Variants in SLAMF1 observed in about 807,000 individuals in gnomAD.
SLAMF1 encodes signaling lymphocytic activation molecule family member 1.
Under a neutral mutation model 35.1 loss-of-function variants are expected in SLAMF1, and 18 were observed. The observed-to-expected ratio is 0.51, with a 90% confidence interval of 0.35 to 0.76. SLAMF1 has a LOEUF of 0.76. Ranked by LOEUF, SLAMF1 falls within the 30% of genes least tolerant of loss-of-function variation. SLAMF1 has a pLI of 0.01. For synonymous variants in SLAMF1, 168 were observed against 157.2 expected (o/e 1.07, Z -0.51); for missense variants, 392 against 413.0 (o/e 0.95, Z 0.44).
rs1021244308 is a variant in SLAMF1 at position 160,635,346 on chromosome 1, C to T, written c.416-449G>A. 3.9e-5 allele frequency among the ~76,000 whole-genome samples: 6 copies of T among 151,966 alleles called. No homozygotes were observed. The South Asian group carries it at 1.0e-3, about 26-fold the overall frequency. On this transcript the variant is annotated intron_variant, in intron 2 of 6. Coordinates refer to ENST00000302035, the MANE Select transcript of SLAMF1 (RefSeq NM_003037.5). Reference sequence around the variant, plus strand: ...GAGGGTGTGTGTGTGTATGTGTGTGCGTGCGCGCGCGCGCATGTACACGGG... The same window carrying T: ...GAGGGTGTGTGTGTGTATGTGTGTGTGTGCGCGCGCGCGCATGTACACGGG...
intron 1 of SLAMF1, among the ~76,000 whole-genome samples, chr1:160,646,159 G>C (rs1014580074): frequency 3.3e-5 from 5 of 152,198 alleles, no homozygotes; most frequent in African/African-American, 1.2e-4. Context: ...ACAGAGTCCA[G>C]ATCCAAAGGT....
chr1:160,642,870 T>C lies in SLAMF1; in HGVS notation c.76+4000A>G, dbSNP rs1446108086. Among the ~76,000 whole-genome samples the C allele has an allele frequency of 6.6e-6, 1 of 152,214 alleles. No homozygotes were observed. Among genetic ancestry groups the C allele is most frequent in the Non-Finnish European group, 1.5e-5 (1 of 68,024 alleles). On this transcript the variant is annotated intron_variant, in intron 1 of 6. Coordinates refer to ENST00000302035, the MANE Select transcript of SLAMF1 (RefSeq NM_003037.5). This position sits in a 1 kb window ranked among gnomAD's most constrained non-coding sequence, Gnocchi z 4.2. ...TTACCTCTGCATTTGTGCCTCCTTC[T>C]AGAACGCTCCTTCTCAAGTTCCATA...
intron 1 of SLAMF1, among the ~76,000 whole-genome samples, chr1:160,639,361 G>A (rs1660623224): frequency 6.6e-6 from 1 of 152,120 alleles, no homozygotes; most frequent in Non-Finnish European, 1.5e-5. Flanking sequence ...GGGTAGCTGG[G>A]ATTACAGGTG....
At chr1:160,615,421 C>T (rs1423691035) in intron 5 of SLAMF1, among the ~76,000 whole-genome samples, 1 of 151,846 alleles carries the variant, frequency 6.6e-6, no homozygotes, top group Non-Finnish European at 1.5e-5. Flanking sequence ...ACTAAAAAGA[C>T]TGAAAAAAGT....
At chr1:160,632,477 C>T (rs745651260) in intron 3 of SLAMF1, among the ~76,000 whole-genome samples, 9 of 152,202 alleles carry the variant, frequency 5.9e-5, no homozygotes, top group Non-Finnish European at 1.3e-4. Context: ...TCTTGGTCCT[C>T]AGAGTGGCTT....
chr1:160,624,247 C>T, intron 3 of SLAMF1, 62 bp from the exon 4 acceptor site: 1 of 1,159,238 alleles, frequency 8.6e-7, no homozygotes, highest in Admixed American at 1.9e-5. Flanking sequence ...AAACATCTTA[C>T]ATGAAAGTGG....
chr1:160,610,828 AG>A, intron 6 of SLAMF1, 30 bp from the exon 7 acceptor site: 1 of 1,511,928 alleles, frequency 6.6e-7, no homozygotes, highest in Non-Finnish European at 9.2e-7. Context: ...CTGTGAGTAG[AG>A]GGACTGGATA....
chr1:160,635,826 G>A (rs570627835), intron 2 of SLAMF1, among the ~76,000 whole-genome samples: 6 of 151,376 alleles, frequency 4.0e-5, no homozygotes, highest in Non-Finnish European at 7.4e-5. Flanking sequence ...TGATCCGCCC[G>A]CCTCGGCCTC....
At chr1:160,636,718 A>G (rs192361996) in intron 2 of SLAMF1, among the ~76,000 whole-genome samples, 6 of 152,344 alleles carry the variant, frequency 3.9e-5, no homozygotes. Context: ...AATTTTAGCC[A>G]TCTTTATCCA....
intron 3 of SLAMF1, among the ~76,000 whole-genome samples, chr1:160,630,575 G>A (rs564621685): frequency 6.6e-6 from 1 of 152,204 alleles, no homozygotes; most frequent in African/African-American, 2.4e-5. Context: ...TCCCAAGGCT[G>A]GGGTTTTCCT....
intron 1 of SLAMF1, among the ~76,000 whole-genome samples, chr1:160,644,054 A>T (rs1395313152): frequency 6.6e-6 from 1 of 152,258 alleles, no homozygotes; most frequent in East Asian, 1.9e-4. Flanking sequence ...TGATGAAAAA[A>T]AGTTTTCATT....
intron 3 of SLAMF1, among the ~76,000 whole-genome samples, chr1:160,630,267 A>G (rs1409771601): frequency 1.3e-5 from 2 of 152,186 alleles, no homozygotes; most frequent in African/African-American, 4.8e-5. Flanking sequence ...TGCAATAAAG[A>G]TGCTTCATTA....
intron 3 of SLAMF1, among the ~76,000 whole-genome samples, chr1:160,630,498 T>TA (rs1660108491): frequency 6.6e-6 from 1 of 152,210 alleles, no homozygotes; most frequent in Non-Finnish European, 1.5e-5. Context: ...AAAAATGTCT[T>TA]AAAATCACTG....
At chr1:160,644,893 A>C (rs887807186) in intron 1 of SLAMF1, among the ~76,000 whole-genome samples, 1 of 152,160 alleles carries the variant, frequency 6.6e-6, no homozygotes, top group Non-Finnish European at 1.5e-5. Context: ...GGTGCAGAGG[A>C]ACTGCATGGA....
intron 4 of SLAMF1, among the ~76,000 whole-genome samples, chr1:160,623,019 G>A (rs1293898561): frequency 2.0e-5 from 3 of 152,176 alleles, no homozygotes; most frequent in Non-Finnish European, 4.4e-5. Context: ...GGGTTGAGGT[G>A]AGGATGGGTA....
In SLAMF1 at chr1:160,624,101, C is replaced by T. The variant is rs1245000134; in HGVS notation, c.785G>A (p.Arg262Lys). The change falls in exon 4 of 7, where the codon AGA (arginine) becomes AAA (lysine). Residue 262 changes from arginine (R) to lysine (K), a missense_variant. Physicochemically the swap from Arg to Lys is conservative, Grantham distance 26 (BLOSUM62 2). Transcript: ENST00000302035. ...LIMVVILQLR[R>K]RGKTNHYQTT... ...ATTTATTGCCAGACACCTACCTCTT[C>T]TTCTCAACTGTAGTATTACCACCAT... The T allele has an allele frequency of 8.1e-6, 13 of 1,595,882 alleles. No individual in the cohort carries two copies. The highest frequency in any genetic ancestry group is 1.7e-5 in the Admixed American group (1 of 57,892).
chr1:160,646,982 C>A lies in SLAMF1; in HGVS notation c.-37G>T, dbSNP rs757558105. ...GAGAAGGAAGGGATCCTGGCCGGAG[C>A]CTGGCAGCTGCTCACAGATGCCAGG... On this transcript the variant is annotated 5_prime_UTR_variant, in exon 1 of 7. Transcript: ENST00000302035. 7.0e-6 allele frequency: 8 copies of A among 1,140,640 alleles called. No homozygotes were observed. The highest frequency in any genetic ancestry group is 3.7e-5 in the South Asian group (3 of 80,054). The allele number at this position is 1,140,640 out of a possible 1,614,324, so 70.7% of individuals were successfully genotyped here. A position where few individuals can be genotyped will look rare whatever the true frequency, so the allele number is the denominator to read the frequency against.
chr1:160,629,282 G>A (rs1174982722), intron 3 of SLAMF1, among the ~76,000 whole-genome samples: 1 of 149,260 alleles, frequency 6.7e-6, no homozygotes, highest in Non-Finnish European at 1.5e-5. Flanking sequence ...TGAAAGTGTT[G>A]TCACAGAAAC....
At chr1:160,637,705 A>G (rs1460102540) in intron 1 of SLAMF1, among the ~76,000 whole-genome samples, 176 bp from the exon 2 acceptor site, 2 of 152,216 alleles carry the variant, frequency 1.3e-5, no homozygotes, top group African/African-American at 2.4e-5. Flanking sequence ...TATATTCTCA[A>G]TACTTCAAAA....
Sources: allele counts gnomAD v4.1 joint callset (sites outside exome capture counted in the v4.1 genomes callset), GRCh38; gene constraint gnomAD v4.1.1; non-coding constraint Gnocchi (gnomAD v3.1); transcripts MANE v1.5; gene names NCBI Gene and HGNC (gene_info 2026-07-23, HGNC 2026-07-21).